The following GPR34 variants were observed in gnomAD, a reference collection of about 807,000 sequenced individuals.
GPR34 encodes G protein-coupled receptor 34.
GPR34 carries 3 observed loss-of-function variants against 14.1 expected under a neutral mutation model. That is an observed-to-expected ratio of 0.21 (90% CI 0.10 to 0.55). GPR34 has a LOEUF of 0.55. GPR34 is among the 20% of genes least tolerant of loss of function. The probability of loss-of-function intolerance (pLI) is 0.94; values close to 1 mark genes in which losing one functional copy is unlikely to be tolerated. For missense variants in GPR34, 213 were observed against 292.8 expected (o/e 0.73, Z 1.99); for synonymous variants, 99 against 99.9 (o/e 0.99, Z 0.05).
intron 2 of GPR34, among the ~76,000 whole-genome samples, chrX:41,691,317 C>T (rs911534446): frequency 8.9e-6 from 1 of 111,910 alleles, no homozygotes; most frequent in African/African-American, 3.3e-5. Flanking sequence ...TCTGGATTTA[C>T]TTCCTTATAA....
intron 2 of GPR34, among the ~76,000 whole-genome samples, chrX:41,691,534 C>G (rs1258463566): frequency 9.0e-6 from 1 of 110,855 alleles, no homozygotes; most frequent in South Asian, 3.8e-4. Context: ...AAAGTCAGAT[C>G]TGAGTCCTAA....
At position 41,696,941 on chromosome X, in the gene GPR34, A is replaced by G; in HGVS notation, c.*162A>G. Reference sequence around the variant, plus strand: ...TAACTGTAAACCATTTCAAGGTACTAACTTTTAAATCTGTATGTAAAATCT... The same window carrying G: ...TAACTGTAAACCATTTCAAGGTACTGACTTTTAAATCTGTATGTAAAATCT... On this transcript the variant is annotated 3_prime_UTR_variant, in exon 3 of 3. Transcript: ENST00000378142. The G allele has an allele frequency of 2.8e-6, 1 of 360,530 alleles. No individual in the cohort carries two copies. Among genetic ancestry groups the G allele is most frequent in the Non-Finnish European group, 4.9e-6 (1 of 205,713 alleles). 29.7% of individuals were successfully genotyped at this position (360,530 alleles called of 1,213,427 possible).
Position 41,696,993 on chromosome X carries a change from C to T in GPR34, c.*214C>T. ...TTCAAAATACATTTTTAAGCTAATA[C>T]TCTTAACATAGATTATGAAGTTAAG... On this transcript the variant is annotated 3_prime_UTR_variant, in exon 3 of 3. Transcript: ENST00000378142. The T allele has an allele frequency of 3.3e-6, 1 of 299,556 alleles. No individual in the cohort carries two copies. Among genetic ancestry groups the T allele is most frequent in the Non-Finnish European group, 6.1e-6 (1 of 164,681 alleles). The allele number at this position is 299,556 out of a possible 1,213,427, so 24.7% of individuals were successfully genotyped here. A position where few individuals can be genotyped will look rare whatever the true frequency, so the allele number is the denominator to read the frequency against.
chrX:41,693,874 C>T (rs966023489), intron 2 of GPR34, among the ~76,000 whole-genome samples: 5 of 111,636 alleles, frequency 4.5e-5, no homozygotes, highest in African/African-American at 1.3e-4. Context: ...CCCAACTTTA[C>T]AACATTTTAA....
chrX:41,691,894 A>G (rs1283198590), intron 2 of GPR34, among the ~76,000 whole-genome samples: 1 of 107,010 alleles, frequency 9.3e-6, no homozygotes, highest in Non-Finnish European at 1.9e-5. Context: ...TAAAGATCAT[A>G]ACCTCTTGAA....
intron 2 of GPR34, among the ~76,000 whole-genome samples, chrX:41,691,520 TC>T (rs1188002865): frequency 9.0e-6 from 1 of 111,014 alleles, no homozygotes; most frequent in Admixed American, 9.6e-5. Context: ...CATCATGGGC[TC>T]TAAAAGTCAG....
Position 41,696,897 on chromosome X carries a change from T to C in GPR34, c.*118T>C, listed in dbSNP as rs1261243920. 8 of 438,330 alleles carry C rather than the reference T, an allele frequency of 1.8e-5. No homozygotes were observed. Among genetic ancestry groups the C allele is most frequent in the African/African-American group, 7.4e-5 (3 of 40,619 alleles). The allele number at this position is 438,330 out of a possible 1,213,427, so 36.1% of individuals were successfully genotyped here. On this transcript the variant is annotated 3_prime_UTR_variant, in exon 3 of 3. Coordinates refer to ENST00000378142, the MANE Select transcript of GPR34 (RefSeq NM_001097579.2). ...TCAGATCTCAAAGCTCTGCTTGTAT[T>C]TGTGATATTTCATTTGCTTAACTGT... is the stretch of plus-strand genomic sequence containing the variant.
At chrX:41,690,574 T>C (rs1369413688) in intron 2 of GPR34, among the ~76,000 whole-genome samples, 2 of 107,262 alleles carry the variant, frequency 1.9e-5, no homozygotes, top group Non-Finnish European at 3.9e-5. Context: ...TTGGCCAGGC[T>C]GGTCTCGAAT....
rs756987753 is a variant in GPR34, at chrX:41,695,693, C to T, written c.60C>T (p.Ser20=). ...TTSVSSWPYS[S]HRMRFITNHS... ...CAGTCAGCAGCTGGCCTTACTCCTCCCACAGAATGCGCTTTATAACCAATC... is the reference window on the plus strand; with the variant it reads ...CAGTCAGCAGCTGGCCTTACTCCTCTCACAGAATGCGCTTTATAACCAATC... Residue 20 remains serine, a synonymous_variant, in exon 3 of 3, where the codon TCC becomes TCT. Coordinates refer to ENST00000378142, the MANE Select transcript of GPR34 (RefSeq NM_001097579.2). 6.7e-6 allele frequency: 8 copies of T among 1,202,987 alleles called. No homozygotes were observed. Among genetic ancestry groups the T allele is most frequent in the Middle Eastern group, 2.3e-4 (1 of 4,340 alleles).
chrX:41,696,017 G>A lies in GPR34; in HGVS notation c.384G>A (p.Lys128=), dbSNP rs2067682029. Residue 128 remains lysine, a synonymous_variant, in exon 3 of 3, where the codon AAG becomes AAA. Coordinates refer to ENST00000378142, the MANE Select transcript of GPR34 (RefSeq NM_001097579.2). ...GGACACTAGGTGTGATTCTGTGCAAGGTTGTGGGAACACTGTTTTATATGA... is the reference window on the plus strand; with the variant it reads ...GGACACTAGGTGTGATTCTGTGCAAAGTTGTGGGAACACTGTTTTATATGA... The part of the protein sequence containing the change: ...NKWTLGVILC[K]VVGTLFYMNM... 8.3e-7 allele frequency: 1 copy of A among 1,208,909 alleles called. No individual in the cohort carries two copies. The highest frequency in any genetic ancestry group is 1.8e-5 in the South Asian group (1 of 56,759).
chrX:41,691,635 GA>G (rs2067562740), intron 2 of GPR34, among the ~76,000 whole-genome samples: 1 of 108,917 alleles, frequency 9.2e-6, no homozygotes, highest in Admixed American at 9.8e-5. Context: ...GAGGCGGGCG[GA>G]AAATGAGGTC....
In GPR34 at chrX:41,696,021, G is replaced by T; in HGVS notation, c.388G>T (p.Val130Leu). ...ACTAGGTGTGATTCTGTGCAAGGTT[G>T]TGGGAACACTGTTTTATATGAACAT... ...WTLGVILCKV[V>L]GTLFYMNMYI... Residue 130 changes from valine (V) to leucine (L), a missense_variant, in exon 3 of 3, where the codon GTG becomes TTG. Coordinates refer to ENST00000378142, the MANE Select transcript of GPR34 (RefSeq NM_001097579.2). 8.3e-7 allele frequency: 1 copy of T among 1,208,769 alleles called. No homozygotes were observed. Among genetic ancestry groups the T allele is most frequent in the East Asian group, 3.0e-5 (1 of 33,805 alleles).
Position 41,696,429 on chromosome X carries a change from C to T in GPR34, c.796C>T (p.Arg266Cys), listed in dbSNP as rs2067690303. The T allele has an allele frequency of 1.7e-6, 2 of 1,190,785 alleles. No homozygotes were observed. The highest frequency in any genetic ancestry group is 1.1e-6 in the Non-Finnish European group (1 of 881,824). The change falls in exon 3 of 3, where the codon CGT (arginine) becomes TGT (cysteine). Residue 266 changes from arginine (R) to cysteine (C), a missense_variant. Coordinates refer to ENST00000378142, the MANE Select transcript of GPR34 (RefSeq NM_001097579.2). ...TTCTGGTAAATATGCCACTACAGCT[C>T]GTAACTCCTTTATTGTACTTATCAT... Reference protein sequence around the residue: ...PNSGKYATTARNSFIVLIIFT... With the variant: ...PNSGKYATTACNSFIVLIIFT...
Position 41,696,094 on chromosome X carries a change from T to C in GPR34, c.461T>C (p.Ile154Thr). Reference sequence around the variant, plus strand: ...GGATTCATCAGTTTGGATCGCTATATAAAAATTAATCGGTCTATACAGCAA... The same window carrying C: ...GGATTCATCAGTTTGGATCGCTATACAAAAATTAATCGGTCTATACAGCAA... ...LLGFISLDRYIKINRSIQQRK... is the reference protein window; with the variant it reads ...LLGFISLDRYTKINRSIQQRK... The change falls in exon 3 of 3, where the codon ATA (isoleucine) becomes ACA (threonine). Residue 154 changes from isoleucine to threonine, a missense_variant. Ile to Thr is a moderately conservative substitution (Grantham distance 89). Transcript: ENST00000378142. The C allele has an allele frequency of 8.3e-7, 1 of 1,205,239 alleles. No homozygotes were observed. Among genetic ancestry groups the C allele is most frequent in the Non-Finnish European group, 1.1e-6 (1 of 890,279 alleles).
At chrX:41,693,049 G>A (rs1178566856) in intron 2 of GPR34, among the ~76,000 whole-genome samples, 2 of 111,033 alleles carry the variant, frequency 1.8e-5, no homozygotes, top group East Asian at 5.6e-4. Context: ...AATCCTAATG[G>A]AACTTAAATT....
chrX:41,691,840 CAAA>C, intron 2 of GPR34, among the ~76,000 whole-genome samples: 1 of 28,486 alleles, frequency 3.5e-5, no homozygotes, highest in East Asian at 1.4e-3. Flanking sequence ...GACTCTGTCT[CAAA>C]AAAAAAAAAA....
intron 2 of GPR34, among the ~76,000 whole-genome samples, chrX:41,691,778 T>C (rs1400221758): frequency 3.1e-5 from 3 of 97,880 alleles, no homozygotes; most frequent in African/African-American, 1.2e-4. Context: ...GAGGCGGAGG[T>C]TGCAGTGAGC....
Position 41,695,942 on chromosome X carries a change from C to T in GPR34, c.309C>T (p.Leu103=), listed in dbSNP as rs1349284694. ...ACGTAGCCATTGCAGACCTCCTACTCATCTTCTGCCTCCCTTTCCGAATAA... is the reference window on the plus strand; with the variant it reads ...ACGTAGCCATTGCAGACCTCCTACTTATCTTCTGCCTCCCTTTCCGAATAA... ...LLNVAIADLL[L]IFCLPFRIMY... The change falls in exon 3 of 3, where the codon CTC becomes CTT. Residue 103 remains leucine (L), a synonymous_variant. Coordinates refer to ENST00000378142, the MANE Select transcript of GPR34 (RefSeq NM_001097579.2). 2.5e-6 allele frequency: 3 copies of T among 1,201,895 alleles called. No individual in the cohort carries two copies. The highest frequency in any genetic ancestry group is 3.5e-5 in the African/African-American group (2 of 57,136).
chrX:41,695,103 T>A (rs1407646622), intron 2 of GPR34, among the ~76,000 whole-genome samples: 1 of 111,192 alleles, frequency 9.0e-6, no homozygotes, highest in African/African-American at 3.3e-5. Context: ...GAGAAGATGA[T>A]CTCATAAATT....
Sources: gnomAD v4.1 joint callset for allele counts (sites outside exome capture counted in the v4.1 genomes callset) on GRCh38, gnomAD v4.1.1 for gene constraint, MANE v1.5 for transcripts, NCBI Gene and HGNC (gene_info 2026-07-23, HGNC 2026-07-21) for gene names.